Variants in UBE2U observed in about 807,000 individuals in gnomAD.
UBE2U encodes ubiquitin-conjugating enzyme E2 U.
UBE2U carries 39 observed loss-of-function variants against 41.2 expected under a neutral mutation model. The ratio of observed to expected loss-of-function variants is 0.95; its 90% CI spans 0.73 to 1.24. The LOEUF is 1.24. UBE2U is among the 50% of genes most tolerant of loss of function. UBE2U has a pLI of 0.00. For synonymous variants in UBE2U, 107 were observed against 117.8 expected (o/e 0.91, Z 0.60); for missense variants, 336 against 363.1 (o/e 0.93, Z 0.61).
rs191732039 is a variant in UBE2U, at chr1:64,249,756, C to T, written c.677+8023C>T. Among the ~76,000 whole-genome samples, 14 of 151,640 alleles carry T rather than the reference C, an allele frequency of 9.2e-5. No individual in the cohort carries two copies. In the East Asian group the frequency reaches 2.3e-3, roughly 25 times the overall value. On this transcript the variant is annotated intron_variant, in intron 8 of 9. Transcript: ENST00000371077. Reference sequence around the variant, plus strand: ...GATAGAAAAAAAGACTGAAAAGAAACGAAAGAGCCTCAGTGAGCTGTGGGA... The same window carrying T: ...GATAGAAAAAAAGACTGAAAAGAAATGAAAGAGCCTCAGTGAGCTGTGGGA...
At position 64,247,968 on chromosome 1, in the gene UBE2U, G is replaced by T. The variant is rs1320529181; in HGVS notation, c.677+6235G>T. 2.0e-5 allele frequency among the ~76,000 whole-genome samples: 3 copies of T among 151,830 alleles called. No individual in the cohort carries two copies. In the South Asian group the frequency reaches 6.2e-4, roughly 32 times the overall value. On this transcript the variant is annotated intron_variant, in intron 8 of 9. Transcript: ENST00000371077. The stretch of plus-strand genomic sequence containing the variant: ...ACCGGCTCCCCTTTACCTCTGCCAT[G>T]AGTGGAAACAGCTTTCACCAGATGC...
chr1:64,228,855 A>ATT lies in UBE2U; in HGVS notation c.507-3684_507-3683dup, dbSNP rs56873849. ...AGGCACGTGCCACCTTGCCCAGGTA[A>ATT]TTTTTTTTTTTTTTTTTTTTTTTGA... On this transcript the variant is annotated intron_variant, in intron 6 of 9. Coordinates refer to ENST00000371077, the MANE Select transcript of UBE2U (RefSeq NM_001366232.2). Among the ~76,000 whole-genome samples, 701 of 93,816 alleles carry ATT rather than the reference A, an allele frequency of 7.5e-3. 19 individuals are homozygous for ATT. The highest frequency in any genetic ancestry group is 8.1e-3 in the Non-Finnish European group (415 of 51,360). 61.5% of individuals were successfully genotyped at this position (93,816 alleles called of 152,430 possible).
intron 4 of UBE2U, 131 bp downstream of exon 4, chr1:64,210,970 C>T: frequency 1.8e-6 from 1 of 550,182 alleles, no homozygotes; most frequent in Non-Finnish European, 2.9e-6. Flanking sequence ...TAAATCCATA[C>T]TTCTATATGA....
intron 9 of UBE2U, among the ~76,000 whole-genome samples, chr1:64,262,906 G>A (rs571171169): frequency 6.6e-6 from 1 of 152,194 alleles, no homozygotes; most frequent in African/African-American, 2.4e-5. Flanking sequence ...GATTCTTGAG[G>A]GAAGGGACTG....
intron 7 of UBE2U, 100 bp from the exon 8 acceptor site, chr1:64,241,552 C>T: frequency 1.3e-6 from 1 of 796,012 alleles, no homozygotes. Context: ...GTTATTGCCA[C>T]ATATCAAGTT....
At chr1:64,248,935 A>G (rs990551686) in intron 8 of UBE2U, among the ~76,000 whole-genome samples, 2 of 152,200 alleles carry the variant, frequency 1.3e-5, no homozygotes, top group Non-Finnish European at 2.9e-5. Context: ...GCTGTGCTTT[A>G]TAGTGGGGCC....
In UBE2U at chr1:64,239,123, G is replaced by GGAAGA. The variant is rs1644751227; in HGVS notation, c.596-2529_596-2528insGAAGA. On this transcript the variant is annotated intron_variant, in intron 7 of 9. Transcript: ENST00000371077. ...AGAAGAAGAAGAAGAAGAAGAAGAA[G>GGAAGA]AAGAAGAAGAAGAAGAAGAAGAAGA... is the stretch of plus-strand genomic sequence containing the variant. 1.6e-4 allele frequency among the ~76,000 whole-genome samples: 4 copies of GGAAGA among 24,656 alleles called. 1 individual carries two copies. The highest frequency in any genetic ancestry group is 6.3e-4 in the African/African-American group (4 of 6,356). The allele number at this position is 24,656 out of a possible 152,430, so 16.2% of individuals were successfully genotyped here.
At chr1:64,222,012 A>G (rs1028599773) in intron 6 of UBE2U, among the ~76,000 whole-genome samples, 4 of 147,358 alleles carry the variant, frequency 2.7e-5, no homozygotes, top group African/African-American at 7.6e-5. Context: ...GTGTGAACCC[A>G]GGAGGCAGAG....
chr1:64,267,041 T>G lies in UBE2U; in HGVS notation c.787T>G (p.Ser263Ala). ...CPTLNEIFLE[S>A]PTAINSITDI... is the part of the protein sequence containing the mutation. The stretch of plus-strand genomic sequence containing the variant: ...CACCACAGATGAAATTTTTCTTGAG[T>G]CACCAACTGCAATAAATAGCATCAC... The change falls in exon 10 of 10, where the codon TCA (serine) becomes GCA (alanine). Residue 263 changes from serine to alanine, a missense_variant. Coordinates refer to ENST00000371077, the MANE Select transcript of UBE2U (RefSeq NM_001366232.2). 1 of 1,548,576 alleles carries G rather than the reference T, an allele frequency of 6.5e-7. No individual in the cohort carries two copies. The highest frequency in any genetic ancestry group is 8.7e-7 in the Non-Finnish European group (1 of 1,146,592).
chr1:64,215,918 G>A (rs1291035323), intron 5 of UBE2U, among the ~76,000 whole-genome samples: 1 of 152,184 alleles, frequency 6.6e-6, no homozygotes, highest in Non-Finnish European at 1.5e-5. Context: ...TACTGACATA[G>A]TTATTTCCTT....
At chr1:64,215,237 A>G (rs563600486) in intron 5 of UBE2U, among the ~76,000 whole-genome samples, 317 of 152,360 alleles carry the variant, frequency 2.1e-3, no homozygotes, top group Middle Eastern at 0.01. Flanking sequence ...GTCTCAAAAA[A>G]AAAAAGAAGT....
chr1:64,262,539 T>C (rs1645193972), intron 9 of UBE2U, among the ~76,000 whole-genome samples: 1 of 152,128 alleles, frequency 6.6e-6, no homozygotes, highest in Non-Finnish European at 1.5e-5. Context: ...GGCCCTGGCT[T>C]CTGGCTGGGT....
In UBE2U at chr1:64,206,812, C is replaced by A; in HGVS notation, c.197C>A (p.Ala66Asp). 1.2e-6 allele frequency: 2 copies of A among 1,606,838 alleles called. No homozygotes were observed. The highest frequency in any genetic ancestry group is 1.7e-6 in the Non-Finnish European group (2 of 1,175,364). Residue 66 changes from alanine to aspartate, a missense_variant, in exon 3 of 10, where the codon GCT (alanine) becomes GAT (aspartate). Physicochemically the swap from Ala to Asp is moderately radical, Grantham distance 126 (BLOSUM62 -2). Transcript: ENST00000371077. Reference protein sequence around the residue: ...TIHFTSEYNYAPPVVKFITIP... With the variant: ...TIHFTSEYNYDPPVVKFITIP... ...CATTTTACATCGGAGTACAACTATG[C>A]TCCTCCAGTTGTGAAATTTATAACA...
At chr1:64,248,134 A>G (rs931568674) in intron 8 of UBE2U, among the ~76,000 whole-genome samples, 2 of 151,700 alleles carry the variant, frequency 1.3e-5, no homozygotes, top group Non-Finnish European at 2.9e-5. Context: ...TTTTTTTCCT[A>G]GGAGAACTCC....
chr1:64,245,107 A>G (rs905921524), intron 8 of UBE2U, among the ~76,000 whole-genome samples: 2 of 152,180 alleles, frequency 1.3e-5, no homozygotes, highest in Admixed American at 6.6e-5. Flanking sequence ...AGTCTTTGTT[A>G]CTATTAATAG....
At chr1:64,215,691 A>T (rs371445687) in intron 5 of UBE2U, among the ~76,000 whole-genome samples, 2 of 152,192 alleles carry the variant, frequency 1.3e-5, no homozygotes, top group African/African-American at 4.8e-5. Flanking sequence ...CTAAGAATCC[A>T]TGTGGAAATA....
intron 6 of UBE2U, among the ~76,000 whole-genome samples, chr1:64,227,379 A>C (rs1431407811): frequency 6.6e-6 from 1 of 152,248 alleles, no homozygotes; most frequent in Non-Finnish European, 1.5e-5. Flanking sequence ...AATCCAAATG[A>C]ATATAAAAAA....
chr1:64,255,089 T>C (rs1284691935), intron 8 of UBE2U, among the ~76,000 whole-genome samples: 2 of 151,948 alleles, frequency 1.3e-5, no homozygotes, highest in Non-Finnish European at 2.9e-5. Context: ...AAGGGAGATA[T>C]CACCACTGAC....
intron 8 of UBE2U, among the ~76,000 whole-genome samples, chr1:64,258,372 G>T (rs1298311867): frequency 6.6e-6 from 1 of 152,080 alleles, no homozygotes. Flanking sequence ...TGCACAACGT[G>T]CAGGTTTGTT....
Sources: allele counts gnomAD v4.1 joint callset (sites outside exome capture counted in the v4.1 genomes callset), GRCh38; gene constraint gnomAD v4.1.1; transcripts MANE v1.5; gene names NCBI Gene and HGNC (gene_info 2026-07-23, HGNC 2026-07-21).